The following EPM2A variants were observed in gnomAD, a reference collection of about 807,000 sequenced individuals.
The protein encoded by EPM2A is laforin.
Under a neutral mutation model 26.5 loss-of-function variants are expected in EPM2A, and 21 were observed. That is an observed-to-expected ratio of 0.79 (90% CI 0.56 to 1.14). EPM2A has a LOEUF of 1.14. Among genes scored for constraint, EPM2A ranks in the 50% most tolerant of loss-of-function variants. EPM2A has a pLI of 0.00. For missense variants in EPM2A, 458 were observed against 440.8 expected, an observed-to-expected ratio of 1.04 and a Z score of -0.35; for synonymous variants, 217 against 177.6, an observed-to-expected ratio of 1.22 and a Z score of -1.76.
intron 1 of EPM2A, among the ~76,000 whole-genome samples, chr6:145,691,224 A>G (rs1333417656): frequency 1.3e-5 from 2 of 152,132 alleles, no homozygotes; most frequent in Admixed American, 6.5e-5. Flanking sequence ...AAACTTCTGA[A>G]AACTAACAAC....
At chr6:145,517,692 G>A (rs897194148) in intron 2 of EPM2A, among the ~76,000 whole-genome samples, 2 of 152,136 alleles carry the variant, frequency 1.3e-5, no homozygotes, top group East Asian at 1.9e-4. Context: ...CAGTGTCTGC[G>A]AAGGGAACAA....
Position 145,456,921 on chromosome 6 carries a change from A to T in EPM2A, c.555+45601T>A, listed in dbSNP as rs531719466. On this transcript the variant is annotated intron_variant, in intron 4 of 4. Coordinates refer to the EPM2A transcript ENST00000638717. The stretch of plus-strand genomic sequence containing the variant: ...ATTTCTATCTTGAGCCACCTTACAG[A>T]TGTTATAAAGGAAAAGTAAGACAAC... Among the ~76,000 whole-genome samples the T allele has an allele frequency of 3.3e-5, 5 of 152,302 alleles. No individual in the cohort carries two copies. In the South Asian group the frequency reaches 1.0e-3, roughly 32 times the overall value.
At chr6:145,517,813 T>G (rs911763638) in intron 2 of EPM2A, among the ~76,000 whole-genome samples, 19 of 152,306 alleles carry the variant, frequency 1.2e-4, no homozygotes, top group African/African-American at 4.6e-4. Context: ...CTTCTGGAAT[T>G]ATGGTGAATT....
intron 4 of EPM2A, among the ~76,000 whole-genome samples, chr6:145,458,246 C>A (rs1347615370): frequency 6.6e-6 from 1 of 152,220 alleles, no homozygotes; most frequent in Non-Finnish European, 1.5e-5. Flanking sequence ...TCTCCCCATG[C>A]AATGATAAAT....
chr6:145,497,291 G>A (rs12663211), downstream of EPM2A, among the ~76,000 whole-genome samples: 68,488 of 152,050 alleles, frequency 0.45, 15,472 homozygotes, highest in South Asian at 0.58. Flanking sequence ...CCACTTTTCC[G>A]TAGGGCTGCT....
chr6:145,528,476 A>G (rs1242893751), intron 2 of EPM2A, among the ~76,000 whole-genome samples: 1 of 152,204 alleles, frequency 6.6e-6, no homozygotes, highest in African/African-American at 2.4e-5. Flanking sequence ...AGAGCCCTTC[A>G]GAATTATGTT....
intron 2 of EPM2A, among the ~76,000 whole-genome samples, chr6:145,540,480 C>T (rs1235193466): frequency 3.3e-5 from 5 of 152,222 alleles, no homozygotes; most frequent in African/African-American, 1.2e-4. Context: ...GAATCGCTAA[C>T]CCAATAACAA....
intron 1 of EPM2A, among the ~76,000 whole-genome samples, chr6:145,694,315 T>C (rs4896838): frequency 0.64 from 97,441 of 151,768 alleles, 31,922 homozygotes; most frequent in East Asian, 0.77. Context: ...CATAAAGTTG[T>C]ACAAACATGA....
rs186313052 is a variant in EPM2A, at chr6:145,456,945, A to G, written c.555+45577T>C. On this transcript the variant is annotated intron_variant, in intron 4 of 4. Coordinates refer to the EPM2A transcript ENST00000638717. ...GATGTTATAAAGGAAAAGTAAGACA[A>G]CGGTATAAAATGGAAATATTAAAAA... is the stretch of plus-strand genomic sequence containing the variant. 3.3e-3 allele frequency among the ~76,000 whole-genome samples: 499 copies of G among 152,284 alleles called. 5 individuals are homozygous for G. Among genetic ancestry groups the G allele is most frequent in the African/African-American group, 0.011 (465 of 41,558 alleles).
At chr6:145,448,685 T>C (rs1313523090) in intron 4 of EPM2A, among the ~76,000 whole-genome samples, 1 of 152,206 alleles carries the variant, frequency 6.6e-6, no homozygotes, top group Non-Finnish European at 1.5e-5. Context: ...TCTCTATCAC[T>C]AACAGCAAGT....
Position 145,406,011 on chromosome 6 carries a change from CACAA to C in EPM2A, c.556-21918_556-21915del, listed in dbSNP as rs201753540. ...ACACACACACACACACACACACACACACAACAGACAGACACACACACACACAGTA... is the reference window on the plus strand; with the variant it reads ...ACACACACACACACACACACACACACCAGACAGACACACACACACACAGTA... On this transcript the variant is annotated intron_variant, in intron 4 of 4. Transcript: ENST00000638717. Among the ~76,000 whole-genome samples the C allele has an allele frequency of 2.1e-3, 310 of 150,396 alleles. 1 individual carries two copies. The highest frequency in any genetic ancestry group is 3.8e-3 in the Non-Finnish European group (257 of 67,172).
intron 2 of EPM2A, among the ~76,000 whole-genome samples, chr6:145,656,336 G>C (rs1311639632): frequency 6.6e-6 from 1 of 152,202 alleles, no homozygotes; most frequent in Non-Finnish European, 1.5e-5. Context: ...GGAGCCCAGA[G>C]AGCCTCCACA....
Position 145,627,667 on chromosome 6 carries a change from C to A in EPM2A, c.745G>T (p.Val249Leu), listed in dbSNP as rs1387516050. Residue 249 changes from valine to leucine, a missense_variant, in exon 4 of 4, where the codon GTG becomes TTG. Physicochemically the swap from Val to Leu is conservative, Grantham distance 32. Coordinates refer to ENST00000367519, the MANE Select transcript of EPM2A (RefSeq NM_005670.4). ...EGRVQMLPQA[V>L]CLLHALLEKG... is the part of the protein sequence containing the mutation. The stretch of plus-strand genomic sequence containing the variant: ...TCCAGCAGCGCATGCAGCAGGCACA[C>A]CGCCTGGGGCAGCATCTGTACTCGG... 6.2e-7 allele frequency: 1 copy of A among 1,614,176 alleles called. No individual in the cohort carries two copies. The highest frequency in any genetic ancestry group is 8.5e-7 in the Non-Finnish European group (1 of 1,180,010).
rs143868063 is a variant in EPM2A, at chr6:145,435,076, G to A, written c.556-50979C>T. Among the ~76,000 whole-genome samples, 567 of 152,248 alleles carry A rather than the reference G, an allele frequency of 3.7e-3. 5 individuals are homozygous for A. Among genetic ancestry groups the A allele is most frequent in the African/African-American group, 0.013 (546 of 41,540 alleles). ...CTGAGGCCTCCTCAGAAGCCAGGCC[G>A]ATACTGGCCCCATGCTTGTACAGCC... On this transcript the variant is annotated intron_variant, in intron 4 of 4. Coordinates refer to the EPM2A transcript ENST00000638717.
intron 2 of EPM2A, among the ~76,000 whole-genome samples, chr6:145,608,664 T>C (rs1775322116): frequency 6.6e-6 from 1 of 152,108 alleles, no homozygotes; most frequent in South Asian, 2.1e-4. Flanking sequence ...AGAAGAGCTG[T>C]TTGGGGGTCC....
intron 2 of EPM2A, among the ~76,000 whole-genome samples, chr6:145,591,424 C>G (rs1212745322): frequency 6.6e-6 from 1 of 151,782 alleles, no homozygotes; most frequent in African/African-American, 2.4e-5. Context: ...CTCTAGAAAC[C>G]CAAAGACAAA....
intron 4 of EPM2A, among the ~76,000 whole-genome samples, chr6:145,415,371 T>A (rs1778694166): frequency 6.6e-6 from 1 of 152,248 alleles, no homozygotes; most frequent in South Asian, 2.1e-4. Context: ...ATTACCTGTT[T>A]TACTCTGATA....
chr6:145,671,627 C>G (rs1297049661), intron 2 of EPM2A, among the ~76,000 whole-genome samples: 3 of 152,130 alleles, frequency 2.0e-5, no homozygotes, highest in Non-Finnish European at 4.4e-5. Context: ...TCCAAGGTTA[C>G]CCATGAGTAA....
chr6:145,392,402 G>A (rs1778350192), intron 4 of EPM2A, among the ~76,000 whole-genome samples: 1 of 152,146 alleles, frequency 6.6e-6, no homozygotes, highest in South Asian at 2.1e-4. Context: ...TGAGACAGAG[G>A]AAGATGCTGT....
Sources: gnomAD v4.1 joint callset for allele counts (sites outside exome capture counted in the v4.1 genomes callset) on GRCh38, gnomAD v4.1.1 for gene constraint, MANE v1.5 for transcripts, NCBI Gene and HGNC (gene_info 2026-07-23, HGNC 2026-07-21) for gene names.